The following ABCG2 variants were observed in gnomAD, a reference collection of about 807,000 sequenced individuals.
ABCG2 encodes the protein ATP binding cassette subfamily G member 2 (JR blood group).
Under a neutral mutation model 73.5 loss-of-function variants are expected in ABCG2, and 80 were observed. That is an observed-to-expected ratio of 1.09 (90% CI 0.91 to 1.31). The LOEUF is 1.31. Among genes scored for constraint, ABCG2 ranks in the 50% most tolerant of loss-of-function variants. ABCG2 has a pLI of 0.00. For synonymous variants in ABCG2, 269 were observed against 282.4 expected, an observed-to-expected ratio of 0.95 and a Z score of 0.48; for missense variants, 796 against 786.2, an observed-to-expected ratio of 1.01 and a Z score of -0.15.
In ABCG2 at chr4:88,107,183, C is replaced by A. The variant is rs751694038; in HGVS notation, c.1277+1G>T. The A allele has an allele frequency of 6.2e-7, 1 of 1,606,340 alleles. No homozygotes were observed. On this transcript the variant is annotated splice_donor_variant, in intron 10 of 15. Coordinates refer to ENST00000237612, the MANE Select transcript of ABCG2 (RefSeq NM_004827.3). LOFTEE classifies it high-confidence loss of function. ...GAAAATCAAGATCCAAATTTACTTA[C>A]CTGTTCTGGATTCCAGTAGAATCAT...
chr4:88,151,422 C>T (rs539935167), intron 1 of ABCG2, among the ~76,000 whole-genome samples: 7 of 152,126 alleles, frequency 4.6e-5, no homozygotes, highest in Non-Finnish European at 7.4e-5. Flanking sequence ...GTTTATAATT[C>T]AATCATCGGA....
intron 1 of ABCG2, among the ~76,000 whole-genome samples, chr4:88,207,462 C>T (rs1334200553): frequency 6.6e-6 from 1 of 152,130 alleles, no homozygotes; most frequent in Non-Finnish European, 1.5e-5. Context: ...GAAAAGAAGT[C>T]TTTCTGTTCG....
At chr4:88,145,820 A>C (rs1725954764) in intron 1 of ABCG2, among the ~76,000 whole-genome samples, 1 of 129,792 alleles carries the variant, frequency 7.7e-6, no homozygotes, top group African/African-American at 2.6e-5. Flanking sequence ...TGCATTTTTG[A>C]TCCCAGCTAC....
upstream of ABCG2, among the ~76,000 whole-genome samples, chr4:88,162,429 C>A (rs1727355470): frequency 6.6e-6 from 1 of 151,888 alleles, no homozygotes; most frequent in Non-Finnish European, 1.5e-5. Context: ...AAAAAAGTTT[C>A]CTTAATTTTA....
chr4:88,176,672 T>G (rs1727997164), intron 1 of ABCG2, among the ~76,000 whole-genome samples: 1 of 140,372 alleles, frequency 7.1e-6, no homozygotes, highest in South Asian at 2.4e-4. Flanking sequence ...TTTTTTTTTT[T>G]TTGTAAATAC....
At chr4:88,192,189 A>C (rs1186289498) in intron 1 of ABCG2, among the ~76,000 whole-genome samples, 1 of 152,002 alleles carries the variant, frequency 6.6e-6, no homozygotes, top group African/African-American at 2.4e-5. Flanking sequence ...TCAAGAAAAA[A>C]AAAAAAAAGA....
At chr4:88,184,095 C>T (rs1235255490) in intron 1 of ABCG2, among the ~76,000 whole-genome samples, 1 of 152,178 alleles carries the variant, frequency 6.6e-6, no homozygotes, top group Non-Finnish European at 1.5e-5. Flanking sequence ...AGACCCACAG[C>T]TAGTATCATA....
intron 5 of ABCG2, among the ~76,000 whole-genome samples, chr4:88,124,785 C>G (rs1455793556): frequency 6.6e-6 from 1 of 152,160 alleles, no homozygotes; most frequent in African/African-American, 2.4e-5. Flanking sequence ...AGGACTTGAA[C>G]TCAGCTCTGG....
At chr4:88,131,484 A>G (rs1265988829) in intron 4 of ABCG2, among the ~76,000 whole-genome samples, 1 of 152,230 alleles carries the variant, frequency 6.6e-6, no homozygotes, top group Non-Finnish European at 1.5e-5. Context: ...TGCTTCATAC[A>G]AGGATTTGCC....
rs774697594 is a variant in ABCG2, at chr4:88,095,579, T to C, written c.1678A>G (p.Thr560Ala). Reference protein sequence around the residue: ...IFSGLLVNLTTIASWLSWLQY... With the variant: ...IFSGLLVNLTAIASWLSWLQY... ...AGCCATGACAGCCAAGATGCAATGG[T>C]TGTGAGATTGACCAACAGACCTGAA... The change falls in exon 14 of 16, where the codon ACC (threonine) becomes GCC (alanine). Residue 560 changes from threonine (T) to alanine (A), a missense_variant. Coordinates refer to ENST00000237612, the MANE Select transcript of ABCG2 (RefSeq NM_004827.3). 4 of 1,613,644 alleles carry C rather than the reference T, an allele frequency of 2.5e-6. No homozygotes were observed. The highest frequency in any genetic ancestry group is 3.3e-5 in the Admixed American group (2 of 60,000).
At chr4:88,120,659 G>A (rs1186514675) in intron 6 of ABCG2, among the ~76,000 whole-genome samples, 1 of 152,132 alleles carries the variant, frequency 6.6e-6, no homozygotes, top group African/African-American at 2.4e-5. Context: ...TGGAACAGGT[G>A]TATTTACCCA....
chr4:88,096,936 G>A (rs1722020640), intron 13 of ABCG2, among the ~76,000 whole-genome samples: 1 of 152,096 alleles, frequency 6.6e-6, no homozygotes, highest in East Asian at 1.9e-4. Context: ...GGCTTAATAT[G>A]TGTCTTGGAA....
intron 1 of ABCG2, among the ~76,000 whole-genome samples, chr4:88,157,216 A>G (rs1364001102): frequency 6.7e-6 from 1 of 150,320 alleles, no homozygotes. Context: ...ACTAAACATC[A>G]AGCAAACACA....
upstream of ABCG2, among the ~76,000 whole-genome samples, chr4:88,161,341 T>G: frequency 1.1e-5 from 1 of 87,314 alleles, no homozygotes; most frequent in Non-Finnish European, 2.3e-5. Flanking sequence ...CCCACCACAG[T>G]CCCCAGAGTG....
chr4:88,170,420 A>G (rs1727713463), intron 1 of ABCG2, among the ~76,000 whole-genome samples: 1 of 152,228 alleles, frequency 6.6e-6, no homozygotes, highest in Non-Finnish European at 1.5e-5. Flanking sequence ...TTCTCTTCCC[A>G]GCCGGAGATG....
intron 1 of ABCG2, among the ~76,000 whole-genome samples, chr4:88,195,543 G>A (rs1304098896): frequency 1.4e-4 from 21 of 152,158 alleles, no homozygotes; most frequent in Non-Finnish European, 1.3e-4. Context: ...GAAAGAATTC[G>A]ACAGAGCAGC....
At chr4:88,121,224 C>T (rs536817290) in intron 6 of ABCG2, among the ~76,000 whole-genome samples, 3 of 151,780 alleles carry the variant, frequency 2.0e-5, no homozygotes, top group South Asian at 4.2e-4. Flanking sequence ...AAAAAAGGCC[C>T]AACAGGAGGA....
intron 5 of ABCG2, among the ~76,000 whole-genome samples, chr4:88,125,299 A>G (rs1560688606): frequency 2.1e-5 from 3 of 145,780 alleles, no homozygotes; most frequent in African/African-American, 7.7e-5. Context: ...CTCAAAAAAA[A>G]AAAACTCACT....
upstream of ABCG2, chr4:88,159,374 G>C (rs1727183775): frequency 2.8e-6 from 1 of 357,908 alleles, no homozygotes. Flanking sequence ...GCGCCCCAGG[G>C]CCTAAAAAAA....
Sources: gnomAD v4.1 joint callset for allele counts (sites outside exome capture counted in the v4.1 genomes callset) on GRCh38, gnomAD v4.1.1 for gene constraint, MANE v1.5 for transcripts, NCBI Gene and HGNC (gene_info 2026-07-23, HGNC 2026-07-21) for gene names.